The following KCNIP4 variants were observed in gnomAD, a reference collection of about 807,000 sequenced individuals.
The protein encoded by KCNIP4 is potassium voltage-gated channel interacting protein 4, also known as Kv channel-interacting protein 4.
A neutral mutation model predicts 34.0 loss-of-function variants in KCNIP4; 12 were observed. The ratio of observed to expected loss-of-function variants is 0.35; its 90% CI spans 0.23 to 0.57. The LOEUF is 0.57. KCNIP4 is among the 20% of genes least tolerant of loss of function. The pLI, the probability that KCNIP4 is intolerant of heterozygous loss-of-function variation, is 0.83. For synonymous variants in KCNIP4, 124 were observed against 102.2 expected (o/e 1.21, Z -1.29); for missense variants, 238 against 311.7 (o/e 0.76, Z 1.78).
At chr4:20,962,618 T>C (rs1205924322) in intron 1 of KCNIP4, among the ~76,000 whole-genome samples, 1 of 152,206 alleles carries the variant, frequency 6.6e-6, no homozygotes, top group East Asian at 1.9e-4. Context: ...GCCAGGTTTG[T>C]CTATCCCATT....
At chr4:21,271,849 G>A (rs1323746146) in intron 1 of KCNIP4, among the ~76,000 whole-genome samples, 1 of 152,142 alleles carries the variant, frequency 6.6e-6, no homozygotes, top group African/African-American at 2.4e-5. Context: ...TCGAGAATGG[G>A]AAAGCAAATC....
intron 1 of KCNIP4, among the ~76,000 whole-genome samples, chr4:21,760,670 C>A (rs1717988374): frequency 1.3e-5 from 2 of 152,034 alleles, no homozygotes. Flanking sequence ...AGTACATAAT[C>A]AATTACAGAG....
In KCNIP4 at chr4:21,067,430, G is replaced by A. The variant is rs374363445; in HGVS notation, c.62-184721C>T. ...GCTTAGGTATCAGCTCAGTTACAGTGAGATAGAGTGCCAGGCAGGCCCTAG... is the reference window on the plus strand; with the variant it reads ...GCTTAGGTATCAGCTCAGTTACAGTAAGATAGAGTGCCAGGCAGGCCCTAG... On this transcript the variant is annotated intron_variant, in intron 1 of 8. Coordinates refer to ENST00000382152, the MANE Select transcript of KCNIP4 (RefSeq NM_025221.6). Among the ~76,000 whole-genome samples, 164 of 152,206 alleles carry A rather than the reference G, an allele frequency of 1.1e-3. 4 individuals carry two copies. In the South Asian group the frequency reaches 0.034, roughly 31 times the overall value.
At chr4:21,756,174 T>C (rs1717506162) in intron 1 of KCNIP4, among the ~76,000 whole-genome samples, 1 of 152,218 alleles carries the variant, frequency 6.6e-6, no homozygotes, top group Non-Finnish European at 1.5e-5. Flanking sequence ...TTTCTCCTTG[T>C]TCTATTTGGC....
intron 1 of KCNIP4, among the ~76,000 whole-genome samples, chr4:21,541,510 C>A (rs1737692689): frequency 1.3e-5 from 2 of 152,138 alleles, no homozygotes; most frequent in African/African-American, 2.4e-5. Flanking sequence ...CGCTGTGCCA[C>A]CTCCAGAGTC....
intron 1 of KCNIP4, among the ~76,000 whole-genome samples, chr4:21,120,399 T>G (rs1750051132): frequency 6.6e-6 from 1 of 152,174 alleles, no homozygotes; most frequent in African/African-American, 2.4e-5. Flanking sequence ...TGGTCTTCCC[T>G]CCCTGTTTTT....
chr4:21,600,744 C>T (rs1743044462), intron 1 of KCNIP4, among the ~76,000 whole-genome samples: 1 of 152,038 alleles, frequency 6.6e-6, no homozygotes, highest in African/African-American at 2.4e-5. Context: ...TGAGCTGTTC[C>T]TCTGAATTGA....
At chr4:21,132,175 G>A (rs1751118874) in intron 1 of KCNIP4, among the ~76,000 whole-genome samples, 1 of 152,152 alleles carries the variant, frequency 6.6e-6, no homozygotes, top group South Asian at 2.1e-4. Flanking sequence ...TGTTTATCAA[G>A]CCTCGTAAAA....
intron 1 of KCNIP4, among the ~76,000 whole-genome samples, chr4:21,335,132 G>C (rs1716049140): frequency 6.6e-6 from 1 of 151,930 alleles, no homozygotes; most frequent in Non-Finnish European, 1.5e-5. Flanking sequence ...CTACTGAGTA[G>C]TCAGCTCACA....
chr4:21,885,903 T>C (rs1726737003), intron 1 of KCNIP4, among the ~76,000 whole-genome samples: 1 of 152,286 alleles, frequency 6.6e-6, no homozygotes, highest in South Asian at 2.1e-4. Context: ...ATCCAAAGGA[T>C]AGACATCCGC....
chr4:21,785,282 T>C (rs964422969), intron 1 of KCNIP4, among the ~76,000 whole-genome samples: 3 of 151,558 alleles, frequency 2.0e-5, no homozygotes, highest in Non-Finnish European at 2.9e-5. Context: ...TTAGAACATT[T>C]ATATCACTTC....
intron 1 of KCNIP4, among the ~76,000 whole-genome samples, chr4:21,945,000 C>T (rs1186276689): frequency 2.0e-5 from 3 of 151,972 alleles, no homozygotes; most frequent in Non-Finnish European, 2.9e-5. Flanking sequence ...CTGCCTCACA[C>T]GTTAATCTAC....
At chr4:21,869,831 G>A (rs1464905589) in intron 1 of KCNIP4, among the ~76,000 whole-genome samples, 4 of 151,806 alleles carry the variant, frequency 2.6e-5, no homozygotes, top group Non-Finnish European at 5.9e-5. Flanking sequence ...TAGGTATATC[G>A]CATACACACA....
chr4:20,860,518 C>A, intron 2 of KCNIP4, among the ~76,000 whole-genome samples: 1 of 152,262 alleles, frequency 6.6e-6, no homozygotes, highest in East Asian at 1.9e-4. Flanking sequence ...AATATTGTAA[C>A]TTTAAAATTC....
At chr4:21,418,777 G>A (rs1178690557) in intron 1 of KCNIP4, among the ~76,000 whole-genome samples, 2 of 152,114 alleles carry the variant, frequency 1.3e-5, no homozygotes, top group South Asian at 2.1e-4. Flanking sequence ...ACAGTTGTCC[G>A]TCAATCACCC....
intron 2 of KCNIP4, among the ~76,000 whole-genome samples, chr4:20,880,964 C>T (rs1724616739): frequency 6.6e-6 from 1 of 152,118 alleles, no homozygotes; most frequent in Non-Finnish European, 1.5e-5. Flanking sequence ...TTTGTATGTG[C>T]ATTGGCTTAG....
At chr4:21,473,715 C>CT (rs572883935) in intron 1 of KCNIP4, among the ~76,000 whole-genome samples, 25,085 of 138,162 alleles carry the variant, frequency 0.18, 2,337 homozygotes, top group African/African-American at 0.25. Context: ...ACTGAGAATT[C>CT]TTTTTTTTTT....
At chr4:21,789,091 A>AG (rs1553931909) in intron 1 of KCNIP4, among the ~76,000 whole-genome samples, 2 of 143,032 alleles carry the variant, frequency 1.4e-5, no homozygotes, top group Admixed American at 1.4e-4. Flanking sequence ...AAAAAAAAAA[A>AG]GTCTAGCTGA....
chr4:21,148,600 C>T (rs1050352324), intron 1 of KCNIP4, among the ~76,000 whole-genome samples: 4 of 151,326 alleles, frequency 2.6e-5, no homozygotes, highest in African/African-American at 4.9e-5. Flanking sequence ...TGTCAAGATG[C>T]ATTATTCATT....
Sources: gnomAD v4.1 joint callset for allele counts (sites outside exome capture counted in the v4.1 genomes callset) on GRCh38, gnomAD v4.1.1 for gene constraint, MANE v1.5 for transcripts, NCBI Gene and HGNC (gene_info 2026-07-23, HGNC 2026-07-21) for gene names.